Variants in VPS13A observed in about 807,000 individuals in gnomAD.
The protein encoded by VPS13A is vacuolar protein sorting 13 homolog A, also known as intermembrane lipid transfer protein VPS13A.
VPS13A carries 264 observed loss-of-function variants against 390.9 expected under a neutral mutation model. The ratio of observed to expected loss-of-function variants is 0.68; its 90% CI spans 0.61 to 0.75. The LOEUF is 0.75. Ranked by LOEUF, VPS13A falls within the 30% of genes least tolerant of loss-of-function variation. The pLI is 0.00. For missense variants in VPS13A, 3,409 were observed against 3,733.9 expected (o/e 0.91, Z 2.27); for synonymous variants, 1,231 against 1,227.1 (o/e 1.00, Z -0.07).
At chr9:77,314,928 A>G (rs1829300853) in intron 37 of VPS13A, among the ~76,000 whole-genome samples, 1 of 152,206 alleles carries the variant, frequency 6.6e-6, no homozygotes, top group East Asian at 1.9e-4. Flanking sequence ...TTTAAATTAC[A>G]TTCTCTAATA....
At chr9:77,213,745 C>T (rs886410732) in intron 9 of VPS13A, among the ~76,000 whole-genome samples, 2 of 152,162 alleles carry the variant, frequency 1.3e-5, no homozygotes, top group South Asian at 4.1e-4. Flanking sequence ...CTCAAGCAAT[C>T]CTCCCAACTC....
At chr9:77,261,671 G>T (rs142927217) in intron 23 of VPS13A, among the ~76,000 whole-genome samples, 1 of 151,340 alleles carries the variant, frequency 6.6e-6, no homozygotes, top group Non-Finnish European at 1.5e-5. Flanking sequence ...TGCAACCTCC[G>T]TCTCCCAGGT....
At chr9:77,395,562 T>C (rs540103159) in intron 68 of VPS13A, 13 of 152,338 alleles carry the variant, frequency 8.5e-5, no homozygotes, top group African/African-American at 3.1e-4. Flanking sequence ...CCTGTAGACT[T>C]GCTTGATGCA....
intron 21 of VPS13A, among the ~76,000 whole-genome samples, chr9:77,251,084 T>A (rs1265452437): frequency 6.6e-6 from 1 of 152,224 alleles, no homozygotes; most frequent in Non-Finnish European, 1.5e-5. Context: ...TTAATTTGTA[T>A]AGGACTGAAA....
In VPS13A at chr9:77,230,809, G is replaced by A. The variant is rs575434733; in HGVS notation, c.1595+2545G>A. Among the ~76,000 whole-genome samples the A allele has an allele frequency of 3.2e-4, 49 of 152,178 alleles. No individual in the cohort carries two copies. In the South Asian group the frequency reaches 1.0e-2, roughly 31 times the overall value. ...TGAATTTTGTGGATCAATTTTGGGT[G>A]TACTGAACAAATTATTCAGCACAAA... is the stretch of plus-strand genomic sequence containing the variant. On this transcript the variant is annotated intron_variant, in intron 17 of 71. Transcript: ENST00000360280.
Position 77,321,669 on chromosome 9 carries a change from A to G in VPS13A, c.5753A>G (p.Asp1918Gly), listed in dbSNP as rs377418680. The change falls in exon 44 of 72, where the codon GAT (aspartate) becomes GGT (glycine). Residue 1918 changes from aspartate to glycine, a missense_variant. Asp to Gly is a moderately conservative substitution (Grantham distance 94). This residue lies in a region of VPS13A where 2,717 missense variants were observed against 2,917.4 expected (regional missense o/e 0.93). Transcript: ENST00000360280. ...AAAAATGGAGAAAGTTTAAGTATGG[A>G]TTATATCCGAACCAAGGACAATGAT... ...VLKNGESLSM[D>G]YIRTKDNDHF... The G allele has an allele frequency of 2.9e-5, 47 of 1,613,216 alleles. No individual in the cohort carries two copies. Among genetic ancestry groups the G allele is most frequent in the Non-Finnish European group, 3.8e-5 (45 of 1,179,560 alleles).
At chr9:77,348,430 C>T (rs137928496) in intron 52 of VPS13A, among the ~76,000 whole-genome samples, 2,420 of 152,116 alleles carry the variant, frequency 0.016, 62 homozygotes, top group African/African-American at 0.054. Flanking sequence ...CACATGGACA[C>T]AGGGAGGGGA....
intron 20 of VPS13A, 31 bp downstream of exon 20, chr9:77,247,426 C>T (rs2131259947): frequency 6.4e-7 from 1 of 1,573,424 alleles, no homozygotes; most frequent in Non-Finnish European, 8.6e-7. Flanking sequence ...ATTTATGATA[C>T]AGCATTTGGG....
At chr9:77,227,528 A>G in intron 16 of VPS13A, 43 bp downstream of exon 16, 1 of 1,437,248 alleles carries the variant, frequency 7.0e-7, no homozygotes, top group Non-Finnish European at 9.7e-7. Flanking sequence ...ATATTTATTT[A>G]TTTATTTGTT....
chr9:77,255,037 A>G (rs1825361365), intron 22 of VPS13A, among the ~76,000 whole-genome samples: 1 of 152,086 alleles, frequency 6.6e-6, no homozygotes, highest in South Asian at 2.1e-4. Context: ...TCTTGAATAG[A>G]AGTAGTTTAG....
At chr9:77,221,050 A>G in intron 12 of VPS13A, 135 bp from the exon 13 acceptor site, 1 of 842,948 alleles carries the variant, frequency 1.2e-6, no homozygotes, top group South Asian at 1.5e-5. Context: ...TTGGGTAAAA[A>G]GGAAGTACTC....
At chr9:77,236,010 C>T (rs1824123460) in intron 17 of VPS13A, among the ~76,000 whole-genome samples, 1 of 151,980 alleles carries the variant, frequency 6.6e-6, no homozygotes, top group South Asian at 2.1e-4. Flanking sequence ...GTAAAATAGG[C>T]CTTGTGTTAG....
intron 1 of VPS13A, among the ~76,000 whole-genome samples, chr9:77,180,659 A>T (rs10869906): frequency 2.0e-5 from 3 of 152,014 alleles, no homozygotes; most frequent in African/African-American, 7.2e-5. Context: ...CAAATATCCA[A>T]TTGTTTAGCA....
At chr9:77,306,943 G>T (rs970966442) in intron 34 of VPS13A, among the ~76,000 whole-genome samples, 7 of 140,818 alleles carry the variant, frequency 5.0e-5, no homozygotes, top group African/African-American at 1.6e-4. Flanking sequence ...CAGAGTCTCT[G>T]TTGCCCAGGC....
chr9:77,349,459 T>G (rs1240192629), intron 52 of VPS13A, among the ~76,000 whole-genome samples: 1 of 152,158 alleles, frequency 6.6e-6, no homozygotes, highest in African/African-American at 2.4e-5. Context: ...CTCCTTTTAC[T>G]CTCCACCCCC....
intron 17 of VPS13A, 39 bp from the exon 18 acceptor site, chr9:77,237,963 T>G: frequency 1.4e-6 from 2 of 1,473,738 alleles, no homozygotes; most frequent in Non-Finnish European, 1.9e-6. Context: ...CTTCACAATT[T>G]TACTGATCGC....
At chr9:77,285,816 G>A (rs1003550741) in intron 31 of VPS13A, among the ~76,000 whole-genome samples, 3 of 152,160 alleles carry the variant, frequency 2.0e-5, no homozygotes, top group African/African-American at 7.2e-5. Context: ...TCCACACACT[G>A]CATTTGATTG....
chr9:77,248,981 A>G (rs1386659113), intron 20 of VPS13A, among the ~76,000 whole-genome samples: 1 of 152,048 alleles, frequency 6.6e-6, no homozygotes, highest in Non-Finnish European at 1.5e-5. Flanking sequence ...ATCTGCTGGC[A>G]TTGACCTCCC....
At chr9:77,404,527 T>C (rs1834512046) in intron 69 of VPS13A, among the ~76,000 whole-genome samples, 1 of 152,222 alleles carries the variant, frequency 6.6e-6, no homozygotes, top group Non-Finnish European at 1.5e-5. Flanking sequence ...ATCATGTTTT[T>C]AGTAACTCAC....
Sources: gnomAD v4.1 joint callset for allele counts (sites outside exome capture counted in the v4.1 genomes callset) on GRCh38, gnomAD v4.1.1 for gene constraint, gnomAD v4.1.1 regional missense constraint, MANE v1.5 for transcripts, NCBI Gene and HGNC (gene_info 2026-07-23, HGNC 2026-07-21) for gene names.